PCDHGA6: variants seen among roughly 807,000 people sequenced by gnomAD.
PCDHGA6 encodes protocadherin gamma subfamily A, 6.
A neutral mutation model predicts 60.6 loss-of-function variants in PCDHGA6; 41 were observed. The observed-to-expected ratio is 0.68, with a 90% CI of 0.53 to 0.88. The LOEUF (loss-of-function observed/expected upper bound fraction) is 0.88, where lower values mean the gene tolerates loss of function less well. Ranked by LOEUF, PCDHGA6 falls within the 40% of genes least tolerant of loss-of-function variation. The pLI, the probability that PCDHGA6 is intolerant of heterozygous loss-of-function variation, is 0.00. For synonymous variants in PCDHGA6, 594 were observed against 524.4 expected, an observed-to-expected ratio of 1.13 and a Z score of -1.81; for missense variants, 1,312 against 1,203.0, an observed-to-expected ratio of 1.09 and a Z score of -1.34.
In PCDHGA6 at chr5:141,407,982, G is replaced by C. The variant is rs976187867; in HGVS notation, c.2424+31475G>C. On this transcript the variant is annotated intron_variant, in intron 1 of 3. Coordinates refer to ENST00000517434, the MANE Select transcript of PCDHGA6 (RefSeq NM_018919.3). Reference sequence around the variant, plus strand: ...GAGCAAGCGCTGACGCCGGGGATCCGTCAGCCTCTGGCCTGGGATTCCCTG... The same window carrying C: ...GAGCAAGCGCTGACGCCGGGGATCCCTCAGCCTCTGGCCTGGGATTCCCTG... 1.5e-4 allele frequency: 114 copies of C among 783,006 alleles called. 1 individual carries two copies. Among genetic ancestry groups the C allele is most frequent in the African/African-American group, 9.1e-4 (52 of 57,436 alleles). The allele number at this position is 783,006 out of a possible 1,614,324, so 48.5% of individuals were successfully genotyped here.
chr5:141,444,589 C>A (rs1198742574), intron 1 of PCDHGA6, among the ~76,000 whole-genome samples: 1 of 152,068 alleles, frequency 6.6e-6, no homozygotes, highest in Non-Finnish European at 1.5e-5. Context: ...TTTCTACTTA[C>A]CTTATTTAAA....
chr5:141,475,013 G>C (rs950376592), intron 1 of PCDHGA6, among the ~76,000 whole-genome samples: 1 of 152,176 alleles, frequency 6.6e-6, no homozygotes, highest in Non-Finnish European at 1.5e-5. Flanking sequence ...AAAAGTTAAG[G>C]CTCTTTATTC....
rs1256615029 is a variant in PCDHGA6 at position 141,512,740 on chromosome 5, C to T, written c.*1567C>T. ...GCGGGTGGGCAGCGGGCGGCGGGCT[C>T]CGCGCAGCCGTCTGTCCTTGATCTG... On this transcript the variant is annotated 3_prime_UTR_variant, in exon 4 of 4. Transcript: ENST00000517434. 1 of 152,788 alleles carries T rather than the reference C, an allele frequency of 6.5e-6. No individual in the cohort carries two copies. The highest frequency in any genetic ancestry group is 1.5e-5 in the Non-Finnish European group (1 of 68,570). The allele number at this position is 152,788 out of a possible 1,614,324, so 9.5% of individuals were successfully genotyped here.
Position 141,374,301 on chromosome 5 carries a change from A to T in PCDHGA6, c.218A>T (p.Gln73Leu). The T allele has an allele frequency of 6.2e-7, 1 of 1,613,996 alleles. No individual in the cohort carries two copies. Among genetic ancestry groups the T allele is most frequent in the Non-Finnish European group, 8.5e-7 (1 of 1,179,852 alleles). Residue 73 changes from glutamine (Q) to leucine (L), a missense_variant, in exon 1 of 4, where the codon CAG (glutamine) becomes CTG (leucine). Physicochemically the swap from Gln to Leu is moderately radical, Grantham distance 113. Coordinates refer to ENST00000517434, the MANE Select transcript of PCDHGA6 (RefSeq NM_018919.3). The part of the protein sequence containing the change: ...GVRIVSRGRM[Q>L]LFSLNPRNGS... ...CGCATCGTCTCCAGAGGTAGGATGC[A>T]GCTTTTCTCTCTGAATCCGCGAAAC...
intron 2 of PCDHGA6, among the ~76,000 whole-genome samples, chr5:141,503,203 A>G (rs10477147): frequency 0.037 from 5,590 of 152,130 alleles, 132 homozygotes; most frequent in South Asian, 0.073. Flanking sequence ...TCAGCCTCTC[A>G]GTGCCCACCA....
chr5:141,388,989 G>A (rs1460138722), intron 1 of PCDHGA6: 1 of 1,613,886 alleles, frequency 6.2e-7, no homozygotes, highest in African/African-American at 1.3e-5. Context: ...TTTGCTCAAA[G>A]TCCGTGACAA....
chr5:141,386,463 C>T (rs2090584678), intron 1 of PCDHGA6, among the ~76,000 whole-genome samples: 1 of 152,034 alleles, frequency 6.6e-6, no homozygotes, highest in Admixed American at 6.6e-5. Context: ...ACAGCTTGAA[C>T]CCAAGAATTG....
chr5:141,474,210 A>G (rs1054533367), intron 1 of PCDHGA6, among the ~76,000 whole-genome samples: 3 of 152,230 alleles, frequency 2.0e-5, no homozygotes, highest in Non-Finnish European at 4.4e-5. Context: ...ATTTTCAAAA[A>G]CCAGATTGTG....
At position 141,510,979 on chromosome 5, in the gene PCDHGA6, G is replaced by T; in HGVS notation, c.2605G>T (p.Gly869Cys). 3.7e-6 allele frequency: 6 copies of T among 1,614,156 alleles called. No individual in the cohort carries two copies. Among genetic ancestry groups the T allele is most frequent in the Non-Finnish European group, 4.2e-6 (5 of 1,180,018 alleles). Residue 869 changes from glycine to cysteine, a missense_variant, in exon 4 of 4, where the codon GGT becomes TGT. Gly to Cys is a radical substitution (Grantham distance 159). Coordinates refer to ENST00000517434, the MANE Select transcript of PCDHGA6 (RefSeq NM_018919.3). ...TGATGGGAGCTCCACCCTGGGAGGGGGTGCCGGCACCATGGGATTGAGCGC... is the reference window on the plus strand; with the variant it reads ...TGATGGGAGCTCCACCCTGGGAGGGTGTGCCGGCACCATGGGATTGAGCGC... Reference protein sequence around the residue: ...AADGSSTLGGGAGTMGLSARY... With the variant: ...AADGSSTLGGCAGTMGLSARY...
intron 1 of PCDHGA6, among the ~76,000 whole-genome samples, chr5:141,382,462 T>A (rs1481999551): frequency 6.6e-6 from 1 of 152,240 alleles, no homozygotes; most frequent in Admixed American, 6.5e-5. Context: ...AGCAGTTTTT[T>A]AAAAATTATC....
intron 1 of PCDHGA6, chr5:141,410,849 C>CTTTTGTTTTTTTTTTTTTTTTTT (rs2095432564): frequency 7.7e-6 from 1 of 129,786 alleles, no homozygotes; most frequent in Non-Finnish European, 1.3e-5. Flanking sequence ...TTGTCTTTGT[C>CTTTTGTTTTTTTTTTTTTTTTTT]TTTTTTTTTT....
chr5:141,441,136 GA>G (rs1379465827), intron 1 of PCDHGA6: 2 of 152,304 alleles, frequency 1.3e-5, no homozygotes, highest in Middle Eastern at 3.4e-3. Flanking sequence ...CGAATTTCTA[GA>G]AGATAATGAC....
In PCDHGA6 at chr5:141,492,000, A is replaced by G; in HGVS notation, c.2425-2807A>G. On this transcript the variant is annotated intron_variant, in intron 1 of 3. Transcript: ENST00000517434. The surrounding 1 kb of genome is among the most constrained non-coding windows in gnomAD (Gnocchi z 6.9). Reference sequence around the variant, plus strand: ...TCGAGCTTCCGGTGAATTTCGGGCGATTTCCGCGGGTGTCGGGGGTCCCGG... The same window carrying G: ...TCGAGCTTCCGGTGAATTTCGGGCGGTTTCCGCGGGTGTCGGGGGTCCCGG... 1 of 659,856 alleles carries G rather than the reference A, an allele frequency of 1.5e-6. No homozygotes were observed. The highest frequency in any genetic ancestry group is 3.1e-5 in the South Asian group (1 of 32,438). 40.9% of individuals were successfully genotyped at this position (659,856 alleles called of 1,614,324 possible).
chr5:141,492,296 G>GACGC lies in PCDHGA6; in HGVS notation c.2425-2500_2425-2497dup, dbSNP rs540417011. 9.7e-4 allele frequency among the ~76,000 whole-genome samples: 148 copies of GACGC among 152,328 alleles called. 2 individuals are homozygous for GACGC. In the South Asian group the frequency reaches 0.014, roughly 14 times the overall value. ...GCCACGCCCCGCCAACACGTGCGCGGACGCACGCACGCACTCCTCGCACGT... is the reference window on the plus strand; with the variant it reads ...GCCACGCCCCGCCAACACGTGCGCGGACGCACGCACGCACGCACTCCTCGCACGT... On this transcript the variant is annotated intron_variant, in intron 1 of 3. Transcript: ENST00000517434.
rs764729742 is a variant in PCDHGA6 at position 141,450,826 on chromosome 5, A to ATTT, written c.2425-43979_2425-43978insTTT. On this transcript the variant is annotated intron_variant, in intron 1 of 3. Coordinates refer to ENST00000517434, the MANE Select transcript of PCDHGA6 (RefSeq NM_018919.3). ...TATTTATTTATTTAATATTATTATT[A>ATTT]TTATTTTTTTTTTTTTGAGATGGGG... 5.5e-3 allele frequency among the ~76,000 whole-genome samples: 742 copies of ATTT among 134,318 alleles called. 10 individuals are homozygous for ATTT. The highest frequency in any genetic ancestry group is 0.013 in the Middle Eastern group (3 of 230). 88.1% of individuals were successfully genotyped at this position (134,318 alleles called of 152,430 possible).
rs1049654933 is a variant in PCDHGA6 at position 141,497,808 on chromosome 5, A to G, written c.2483+2943A>G. 2.6e-5 allele frequency among the ~76,000 whole-genome samples: 4 copies of G among 152,282 alleles called. No homozygotes were observed. The East Asian group carries it at 7.7e-4, about 29-fold the overall frequency. Reference sequence around the variant, plus strand: ...ACCTGCTTCAGCTTCCCAAAGTGCTAGAATTACAGGTGTGATCGCCCCCGG... The same window carrying G: ...ACCTGCTTCAGCTTCCCAAAGTGCTGGAATTACAGGTGTGATCGCCCCCGG... On this transcript the variant is annotated intron_variant, in intron 2 of 3. Coordinates refer to ENST00000517434, the MANE Select transcript of PCDHGA6 (RefSeq NM_018919.3).
intron 1 of PCDHGA6, among the ~76,000 whole-genome samples, chr5:141,456,406 G>A (rs1038971451): frequency 2.0e-5 from 3 of 152,080 alleles, no homozygotes; most frequent in South Asian, 2.1e-4. Flanking sequence ...GCTTCTAGGC[G>A]AGAAGAAACA....
chr5:141,422,432 A>G, intron 1 of PCDHGA6: 1 of 1,609,448 alleles, frequency 6.2e-7, no homozygotes, highest in Non-Finnish European at 8.5e-7. Context: ...TATGGAAATT[A>G]TTACAAATTG....
At position 141,490,207 on chromosome 5, in the gene PCDHGA6, C is replaced by G. The variant is rs142098675; in HGVS notation, c.2425-4600C>G. ...TTTCTATGAAATTCATGCAAGAGCC[C>G]GTGACCAGGGACAGCCTGCCATGGA... On this transcript the variant is annotated intron_variant, in intron 1 of 3. Coordinates refer to ENST00000517434, the MANE Select transcript of PCDHGA6 (RefSeq NM_018919.3). This position sits in a 1 kb window ranked among gnomAD's most constrained non-coding sequence, Gnocchi z 5.4. 2.9e-4 allele frequency: 470 copies of G among 1,614,056 alleles called. 1 individual carries two copies. Among genetic ancestry groups the G allele is most frequent in the Non-Finnish European group, 3.7e-4 (439 of 1,180,030 alleles).
Sources: gnomAD v4.1 joint callset for allele counts (sites outside exome capture counted in the v4.1 genomes callset) on GRCh38, gnomAD v4.1.1 for gene constraint, Gnocchi (gnomAD v3.1) non-coding constraint, MANE v1.5 for transcripts, NCBI Gene and HGNC (gene_info 2026-07-23, HGNC 2026-07-21) for gene names.